The following BBX variants were observed in gnomAD, a reference collection of about 807,000 sequenced individuals.
The protein encoded by BBX is HMG box transcription factor BBX.
Under a neutral mutation model 100.2 loss-of-function variants are expected in BBX, and 30 were observed. The observed-to-expected ratio is 0.30, with a 90% CI of 0.22 to 0.41. The LOEUF (loss-of-function observed/expected upper bound fraction) is 0.41. BBX is among the 10% of genes least tolerant of loss of function. The pLI, the probability that BBX is intolerant of heterozygous loss-of-function variation, is 1.00. For missense variants in BBX, 1,023 were observed against 1,129.8 expected, an observed-to-expected ratio of 0.91 and a Z score of 1.35; for synonymous variants, 376 against 388.1, an observed-to-expected ratio of 0.97 and a Z score of 0.37.
At chr3:107,797,563 T>C (rs2069868106) in intron 15 of BBX, among the ~76,000 whole-genome samples, 1 of 151,930 alleles carries the variant, frequency 6.6e-6, no homozygotes, top group Admixed American at 6.6e-5. Flanking sequence ...CTTGGGTCAC[T>C]GGAATTTCTT....
intron 2 of BBX, among the ~76,000 whole-genome samples, chr3:107,593,827 A>T (rs1333531077): frequency 6.6e-6 from 1 of 152,254 alleles, no homozygotes; most frequent in Non-Finnish European, 1.5e-5. Context: ...TTAGTTTTAT[A>T]CGGAAGCTGT....
chr3:107,683,394 A>G (rs913088409), intron 3 of BBX, among the ~76,000 whole-genome samples: 1 of 152,152 alleles, frequency 6.6e-6, no homozygotes, highest in South Asian at 2.1e-4. Context: ...GCCCTTTAGT[A>G]GGATGGGAAG....
At chr3:107,707,102 T>A (rs530173310) in intron 3 of BBX, among the ~76,000 whole-genome samples, 2 of 152,330 alleles carry the variant, frequency 1.3e-5, no homozygotes, top group South Asian at 4.1e-4. Context: ...TTTTCTTGAT[T>A]TTTCATCTGA....
intron 3 of BBX, among the ~76,000 whole-genome samples, chr3:107,702,410 T>C (rs2061131988): frequency 6.6e-6 from 1 of 152,240 alleles, no homozygotes; most frequent in African/African-American, 2.4e-5. Flanking sequence ...AAACAACCTT[T>C]CCTGGCTTCT....
chr3:107,733,308 A>T (rs2063431898), intron 7 of BBX, among the ~76,000 whole-genome samples: 1 of 152,174 alleles, frequency 6.6e-6, no homozygotes, highest in African/African-American at 2.4e-5. Flanking sequence ...TGACTCTGTC[A>T]TGGTTATGTC....
intron 7 of BBX, among the ~76,000 whole-genome samples, chr3:107,742,483 G>C (rs1204000581): frequency 1.3e-5 from 2 of 152,086 alleles, no homozygotes; most frequent in East Asian, 3.8e-4. Context: ...GAAGATGTAT[G>C]CTAAATCCGT....
intron 2 of BBX, among the ~76,000 whole-genome samples, chr3:107,575,393 A>G (rs969298846): frequency 2.6e-5 from 4 of 152,052 alleles, no homozygotes; most frequent in Admixed American, 2.0e-4. Flanking sequence ...TGATTATTCA[A>G]TGTTTGCTTG....
At chr3:107,685,887 T>TA (rs1376808468) in intron 3 of BBX, among the ~76,000 whole-genome samples, 3 of 152,226 alleles carry the variant, frequency 2.0e-5, no homozygotes, top group Non-Finnish European at 2.9e-5. Flanking sequence ...TGAGAATTGT[T>TA]AGATTGTTCT....
At chr3:107,523,218 AGCGGCGGCGGCG>A (rs3833481) in intron 1 of BBX, 111 bp downstream of exon 1, 105 of 218,044 alleles carry the variant, frequency 4.8e-4, no homozygotes, top group Admixed American at 6.1e-4. Context: ...CGGCAGGAGC[AGCGGCGGCGGCG>A]GCGGCGGCGG....
At chr3:107,614,613 A>C (rs1269515473) in intron 2 of BBX, among the ~76,000 whole-genome samples, 1 of 152,236 alleles carries the variant, frequency 6.6e-6, no homozygotes, top group Non-Finnish European at 1.5e-5. Flanking sequence ...GTATTTTCAT[A>C]TAACATACTC....
At chr3:107,642,516 T>C (rs1395357777) in intron 2 of BBX, among the ~76,000 whole-genome samples, 1 of 152,196 alleles carries the variant, frequency 6.6e-6, no homozygotes. Context: ...GAACTCCTAG[T>C]TCGTGACCTA....
intron 3 of BBX, among the ~76,000 whole-genome samples, chr3:107,687,792 C>T (rs2059933221): frequency 1.3e-5 from 2 of 152,162 alleles, no homozygotes; most frequent in South Asian, 2.1e-4. Context: ...CGGTGGCTCA[C>T]ACCTGTAATC....
chr3:107,577,197 C>T (rs899823675), intron 2 of BBX, among the ~76,000 whole-genome samples: 1 of 152,238 alleles, frequency 6.6e-6, no homozygotes, highest in South Asian at 2.1e-4. Context: ...CTGTAAAGCA[C>T]ATAAAATTTG....
chr3:107,716,565 C>A, intron 4 of BBX, 42 bp from the exon 5 acceptor site: 1 of 1,588,344 alleles, frequency 6.3e-7, no homozygotes, highest in South Asian at 1.1e-5. Context: ...CAAAATTATC[C>A]AAAATATGTT....
intron 10 of BBX, among the ~76,000 whole-genome samples, chr3:107,763,255 C>G (rs6437741): frequency 1.4e-5 from 2 of 146,566 alleles, no homozygotes; most frequent in Non-Finnish European, 3.0e-5. Flanking sequence ...GACAGAGTCT[C>G]GCTCTGTTGC....
At position 107,777,852 on chromosome 3, in the gene BBX, G is replaced by C. The variant is rs372487317; in HGVS notation, c.2055-519G>C. On this transcript the variant is annotated intron_variant, in intron 12 of 17. Coordinates refer to ENST00000325805, the MANE Select transcript of BBX (RefSeq NM_001142568.3). ...GTATGTTTTAATCAAACAGTAGTCA[G>C]TACATTTTTTTAAAGAAACTAATTT... Among the ~76,000 whole-genome samples the C allele has an allele frequency of 2.3e-3, 350 of 152,122 alleles. 3 individuals carry two copies. Among genetic ancestry groups the C allele is most frequent in the Middle Eastern group, 0.01 (3 of 294 alleles).
intron 2 of BBX, among the ~76,000 whole-genome samples, chr3:107,641,593 G>T (rs894334932): frequency 6.6e-6 from 1 of 151,984 alleles, no homozygotes; most frequent in Non-Finnish European, 1.5e-5. Context: ...TAGTTACTAT[G>T]GTTTACTGCC....
chr3:107,613,344 G>A (rs149804875), intron 2 of BBX, among the ~76,000 whole-genome samples: 1,636 of 149,318 alleles, frequency 0.011, 23 homozygotes, highest in African/African-American at 0.039. Flanking sequence ...CCGCCACCAC[G>A]ACCGGTTAAT....
At chr3:107,710,425 G>A (rs2061643303) in intron 3 of BBX, 27 bp from the exon 4 acceptor site, 29 of 1,539,854 alleles carry the variant, frequency 1.9e-5, no homozygotes, top group Non-Finnish European at 2.6e-5. Flanking sequence ...CTGTTTCCCT[G>A]TTTCTCTCTC....
Sources: allele counts gnomAD v4.1 joint callset (sites outside exome capture counted in the v4.1 genomes callset), GRCh38; gene constraint gnomAD v4.1.1; transcripts MANE v1.5; gene names NCBI Gene and HGNC (gene_info 2026-07-23, HGNC 2026-07-21).